PCM1: variants seen among roughly 807,000 people sequenced by gnomAD.
The protein encoded by PCM1 is pericentriolar material 1 protein.
Under a neutral mutation model 241.9 loss-of-function variants are expected in PCM1, and 157 were observed. That is an observed-to-expected ratio of 0.65 (90% confidence interval 0.57 to 0.74). PCM1 has a LOEUF of 0.74. PCM1 is among the 30% of genes least tolerant of loss of function. The pLI, the probability that PCM1 is intolerant of heterozygous loss-of-function variation, is 0.00. For synonymous variants in PCM1, 1,085 were observed against 784.9 expected (o/e 1.38, Z -6.39); for missense variants, 3,478 against 2,360.1 (o/e 1.47, Z -9.81).
At chr8:17,946,489 T>C (rs1331524091) in intron 6 of PCM1, among the ~76,000 whole-genome samples, 2 of 152,078 alleles carry the variant, frequency 1.3e-5, no homozygotes, top group South Asian at 2.1e-4. Context: ...TCTAGTCTTT[T>C]TTTTTTCCTT....
At chr8:17,951,238 A>G (rs117477915) in intron 8 of PCM1, among the ~76,000 whole-genome samples, 2,570 of 152,310 alleles carry the variant, frequency 0.017, 39 homozygotes, top group South Asian at 0.043. Context: ...CAGATTTTCA[A>G]TATGGGGGCC....
intron 23 of PCM1, among the ~76,000 whole-genome samples, chr8:17,977,958 C>G (rs1167935095): frequency 6.6e-6 from 1 of 151,944 alleles, no homozygotes; most frequent in Non-Finnish European, 1.5e-5. Flanking sequence ...GACCTAGTTA[C>G]CAGGGAGAAA....
At chr8:17,950,341 C>T (rs560967133) in intron 7 of PCM1, among the ~76,000 whole-genome samples, 1 of 152,142 alleles carries the variant, frequency 6.6e-6, no homozygotes, top group East Asian at 1.9e-4. Flanking sequence ...TGAGTCACTA[C>T]TATTAATTGG....
chr8:17,955,781 G>C (rs770606730), intron 10 of PCM1, 128 bp downstream of exon 10: 8 of 739,772 alleles, frequency 1.1e-5, no homozygotes, highest in Non-Finnish European at 1.9e-5. Flanking sequence ...TTAAGGGATA[G>C]GTAGAAGAGG....
At position 17,963,147 on chromosome 8, in the gene PCM1, G is replaced by A. The variant is rs549413230; in HGVS notation, c.2510G>A (p.Arg837Gln). 32 of 1,613,218 alleles carry A rather than the reference G, an allele frequency of 2.0e-5. No homozygotes were observed. The South Asian group carries it at 2.5e-4, about 13-fold the overall frequency. The change falls in exon 17 of 39, where the codon CGA becomes CAA. Residue 837 changes from arginine to glutamine, a missense_variant. Transcript: ENST00000325083. The stretch of plus-strand genomic sequence containing the variant: ...CATGAAATGTTGAGGGAGGAGCTGC[G>A]ACAGAGAAGAAAGCAGCTTGAAGCT... ...RRHEMLREEL[R>Q]QRRKQLEALM...
intron 38 of PCM1, 29 bp from the exon 39 acceptor site, chr8:18,027,608 T>A (rs762416241): frequency 6.5e-7 from 1 of 1,532,974 alleles, no homozygotes; most frequent in Non-Finnish European, 8.9e-7. Context: ...GATAAGTAAT[T>A]TATAAAGCAT....
intron 38 of PCM1, among the ~76,000 whole-genome samples, chr8:18,027,042 G>C (rs1306629314): frequency 1.3e-5 from 2 of 152,094 alleles, no homozygotes; most frequent in Non-Finnish European, 2.9e-5. Flanking sequence ...TCTTGCATCA[G>C]GATCAAAGGG....
intron 25 of PCM1, 128 bp from the exon 26 acceptor site, chr8:17,985,831 C>T (rs2129476949): frequency 5.3e-6 from 4 of 753,552 alleles, no homozygotes; most frequent in Non-Finnish European, 8.3e-6. Context: ...TACTTCCTCA[C>T]ACTTAACCTG....
chr8:18,004,020 T>C, intron 29 of PCM1, among the ~76,000 whole-genome samples: 1 of 151,998 alleles, frequency 6.6e-6, no homozygotes, highest in Non-Finnish European at 1.5e-5. Flanking sequence ...GTAATATTTA[T>C]TTGATATGTA....
intron 26 of PCM1, among the ~76,000 whole-genome samples, chr8:17,988,939 A>G (rs760441098): frequency 1.8e-4 from 28 of 152,040 alleles, no homozygotes; most frequent in Middle Eastern, 3.4e-3. Flanking sequence ...TGACCCAGCA[A>G]TTTCTCTTCT....
In PCM1 at chr8:17,964,697, T is replaced by G; in HGVS notation, c.2784T>G (p.Asn928Lys). 1 of 1,613,924 alleles carries G rather than the reference T, an allele frequency of 6.2e-7. No individual in the cohort carries two copies. The highest frequency in any genetic ancestry group is 1.1e-5 in the South Asian group (1 of 91,072). The change falls in exon 18 of 39, where the codon AAT (asparagine) becomes AAG (lysine). Residue 928 changes from asparagine to lysine, a missense_variant. By Grantham distance (94) the Asn-to-Lys change is moderately conservative. Coordinates refer to ENST00000325083, the MANE Select transcript of PCM1 (RefSeq NM_006197.4). ...EEEEEQDASS[N>K]DNFSVCPSNS... ...AAGAAGAGCAAGATGCCAGTTCCAA[T>G]GATAACTTTTCTGTGTGTCCTTCTA...
chr8:17,997,270 C>A (rs35935919), intron 29 of PCM1, among the ~76,000 whole-genome samples: 17,226 of 152,126 alleles, frequency 0.11, 1,207 homozygotes, highest in East Asian at 0.37. Context: ...TATATTGGAA[C>A]CCCATTATAT....
intron 17 of PCM1, among the ~76,000 whole-genome samples, chr8:17,963,633 T>G (rs1392850657): frequency 6.6e-6 from 1 of 152,194 alleles, no homozygotes; most frequent in African/African-American, 2.4e-5. Flanking sequence ...AATAGGCCCT[T>G]TTTTGCTTAA....
Position 17,995,371 on chromosome 8 carries a change from C to G in PCM1, c.4827+1752C>G, listed in dbSNP as rs181522643. On this transcript the variant is annotated intron_variant, in intron 29 of 38. Transcript: ENST00000325083. Reference sequence around the variant, plus strand: ...TGGATTTGTTTCTGGGTTCTCTGTTCTGTTCTATCGGTCTGTGTTTCTGGG... The same window carrying G: ...TGGATTTGTTTCTGGGTTCTCTGTTGTGTTCTATCGGTCTGTGTTTCTGGG... 7.3e-5 allele frequency among the ~76,000 whole-genome samples: 11 copies of G among 151,254 alleles called. No individual in the cohort carries two copies. In the East Asian group the frequency reaches 2.1e-3, roughly 29 times the overall value.
intron 2 of PCM1, among the ~76,000 whole-genome samples, chr8:17,935,196 C>T (rs893065937): frequency 1.3e-5 from 2 of 152,212 alleles, no homozygotes; most frequent in African/African-American, 4.8e-5. Flanking sequence ...AGGGTATCAT[C>T]TTCATCCCAA....
Position 17,980,685 on chromosome 8 carries a change from A to T in PCM1, c.4038A>T (p.Val1346=). The change falls in exon 24 of 39, where the codon GTA becomes GTT. Residue 1346 remains valine (V), a synonymous_variant. Transcript: ENST00000325083. ...CTGAAGAGCCTGTTCAAGCAAAAGT[A>T]TTCAGCAGAAAGAATCATGAGCAAC... is the stretch of plus-strand genomic sequence containing the variant. ...AQTEEPVQAK[V]FSRKNHEQLE... The T allele has an allele frequency of 1.2e-6, 2 of 1,613,336 alleles. No homozygotes were observed. The highest frequency in any genetic ancestry group is 1.7e-6 in the Non-Finnish European group (2 of 1,179,472).
In PCM1 at chr8:17,992,610, C is replaced by CTT. The variant is rs71545503; in HGVS notation, c.4691-854_4691-853dup. On this transcript the variant is annotated intron_variant, in intron 28 of 38. Transcript: ENST00000325083. ...CTATATCCTTAGCCTACTACTACTA[C>CTT]TTTTTTTTTTTTTTTTTTTTAATTT... 5.4e-3 allele frequency among the ~76,000 whole-genome samples: 691 copies of CTT among 128,420 alleles called. 5 individuals carry two copies. The highest frequency in any genetic ancestry group is 8.8e-3 in the Middle Eastern group (2 of 228). 84.2% of individuals were successfully genotyped at this position (128,420 alleles called of 152,430 possible).
chr8:17,982,947 G>A (rs1003082621), intron 24 of PCM1, among the ~76,000 whole-genome samples: 7 of 152,120 alleles, frequency 4.6e-5, no homozygotes, highest in Non-Finnish European at 8.8e-5. Flanking sequence ...TTCTTCTCCC[G>A]TGGGTGTTGT....
intron 29 of PCM1, among the ~76,000 whole-genome samples, chr8:18,001,991 CTTTCTTTTTTTTTTTT>C (rs1342108222): frequency 5.5e-4 from 14 of 25,546 alleles, no homozygotes; most frequent in Admixed American, 1.2e-3. Context: ...TGCTTCTAAC[CTTTCTTTTTTTTTTTT>C]TTTTTTTTTT....
Sources: allele counts gnomAD v4.1 joint callset (sites outside exome capture counted in the v4.1 genomes callset), GRCh38; gene constraint gnomAD v4.1.1; transcripts MANE v1.5; gene names NCBI Gene and HGNC (gene_info 2026-07-23, HGNC 2026-07-21).